The following KANK1 variants were observed in gnomAD, a reference collection of about 807,000 sequenced individuals.
KANK1 encodes the protein KN motif and ankyrin repeat domain-containing protein 1.
KANK1 carries 109 observed loss-of-function variants against 106.2 expected under a neutral mutation model. The ratio of observed to expected loss-of-function variants is 1.03; its 90% CI spans 0.88 to 1.20. KANK1 has a LOEUF of 1.20. Among genes scored for constraint, KANK1 ranks in the 50% most tolerant of loss-of-function variants. The probability of loss-of-function intolerance (pLI) is 0.00; values close to 1 mark genes in which losing one functional copy is unlikely to be tolerated. For synonymous variants in KANK1, 873 were observed against 652.2 expected (o/e 1.34, Z -5.16); for missense variants, 2,399 against 1,710.7 (o/e 1.40, Z -7.10).
intron 1 of KANK1, among the ~76,000 whole-genome samples, chr9:577,750 A>G (rs1228922860): frequency 6.6e-6 from 1 of 152,192 alleles, no homozygotes; most frequent in Non-Finnish European, 1.5e-5. Flanking sequence ...CCAGGAATTT[A>G]TGTTTCAACA....
intron 1 of KANK1, among the ~76,000 whole-genome samples, chr9:509,588 T>C (rs977190971): frequency 6.6e-6 from 1 of 152,256 alleles, no homozygotes; most frequent in Admixed American, 6.5e-5. Flanking sequence ...GGATATGCTT[T>C]CATTTAATAA....
chr9:510,084 A>G (rs895261386), intron 1 of KANK1, among the ~76,000 whole-genome samples: 1 of 151,686 alleles, frequency 6.6e-6, no homozygotes, highest in African/African-American at 2.4e-5. Context: ...AAGTGCTGGG[A>G]TTACAGGTGT....
intron 2 of KANK1, among the ~76,000 whole-genome samples, chr9:678,910 T>G (rs1051470180): frequency 6.6e-6 from 1 of 152,160 alleles, no homozygotes; most frequent in African/African-American, 2.4e-5. Context: ...GTGTTTAAGA[T>G]TGTTGGTGCC....
chr9:512,310 C>T (rs185895519), intron 1 of KANK1, among the ~76,000 whole-genome samples: 36 of 151,850 alleles, frequency 2.4e-4, no homozygotes, highest in African/African-American at 8.0e-4. Context: ...AGTTTGGAGG[C>T]GGGCTAGTCC....
chr9:676,204 G>C (rs919078787), intron 1 of KANK1, among the ~76,000 whole-genome samples: 1 of 152,090 alleles, frequency 6.6e-6, no homozygotes, highest in Non-Finnish European at 1.5e-5. Flanking sequence ...AACCTCCTGG[G>C]AATTTAGACT....
chr9:735,571 A>C (rs1434811948), intron 7 of KANK1: 1 of 165,182 alleles, frequency 6.1e-6, no homozygotes, highest in African/African-American at 2.4e-5. Context: ...GAGAAAATGT[A>C]GGATCCCCTA....
chr9:667,558 A>G (rs11506698), intron 1 of KANK1, among the ~76,000 whole-genome samples: 26,812 of 151,612 alleles, frequency 0.18, 3,273 homozygotes, highest in East Asian at 0.33. Context: ...GTAGATGTTT[A>G]TTGCTATAAA....
chr9:702,333 A>G (rs1046097634), intron 2 of KANK1, among the ~76,000 whole-genome samples: 3 of 152,194 alleles, frequency 2.0e-5, no homozygotes, highest in Non-Finnish European at 2.9e-5. Flanking sequence ...GCCAGCTGTC[A>G]TGTAGCTGTT....
At chr9:517,128 G>C (rs2133073450) in intron 1 of KANK1, among the ~76,000 whole-genome samples, 1 of 151,684 alleles carries the variant, frequency 6.6e-6, no homozygotes, top group South Asian at 2.1e-4. Context: ...TTTTTGTTTT[G>C]AGACGGAGTC....
intron 2 of KANK1, among the ~76,000 whole-genome samples, chr9:699,290 GCT>G (rs1232002000): frequency 6.6e-6 from 1 of 152,166 alleles, no homozygotes; most frequent in Non-Finnish European, 1.5e-5. Context: ...ACCCAGACAG[GCT>G]CTGTGTCTGT....
At chr9:740,194 A>T (rs562358119) in intron 8 of KANK1, among the ~76,000 whole-genome samples, 1 of 152,308 alleles carries the variant, frequency 6.6e-6, no homozygotes, top group South Asian at 2.1e-4. Context: ...AAGAATAGAA[A>T]AGGTCTGGTT....
At chr9:674,636 A>G (rs1237368935) in intron 1 of KANK1, among the ~76,000 whole-genome samples, 2 of 152,030 alleles carry the variant, frequency 1.3e-5, no homozygotes, top group African/African-American at 2.4e-5. Flanking sequence ...CCTTTTTTGA[A>G]TAGCATTTAA....
intron 2 of KANK1, among the ~76,000 whole-genome samples, chr9:680,322 C>G (rs1817287907): frequency 6.6e-6 from 1 of 152,124 alleles, no homozygotes. Context: ...GTTGACATCC[C>G]CATGTAACAT....
At chr9:540,538 G>A (rs2060541154) in intron 1 of KANK1, 1 of 152,176 alleles carries the variant, frequency 6.6e-6, no homozygotes, top group African/African-American at 2.4e-5. Flanking sequence ...AATGAGTTTG[G>A]AAGGGTTGAT....
chr9:684,507 T>G (rs1588893382), intron 2 of KANK1: 1 of 985,246 alleles, frequency 1.0e-6, no homozygotes, highest in Non-Finnish European at 1.2e-6. Flanking sequence ...AGTCAAAGGG[T>G]TAAAACAGCC....
At position 740,802 on chromosome 9, in the gene KANK1, T is replaced by A. The variant is rs375078316; in HGVS notation, c.3564T>A (p.Asn1188Lys). 1.9e-6 allele frequency: 3 copies of A among 1,611,990 alleles called. No individual in the cohort carries two copies. The highest frequency in any genetic ancestry group is 2.5e-6 in the Non-Finnish European group (3 of 1,179,590). The change falls in exon 9 of 12, where the codon AAT (asparagine) becomes AAA (lysine). Residue 1188 changes from asparagine (N) to lysine (K), a missense_variant. Asn to Lys is a moderately conservative substitution (Grantham distance 94, BLOSUM62 0). Coordinates refer to ENST00000382297, the MANE Select transcript of KANK1 (RefSeq NM_015158.5). ...VKLLLDADVC[N>K]VDHQNKAGYT... ...TTTTTTTTTTTACAGATGTGTGTAA[T>A]GTGGATCACCAGAACAAGGCAGGCT...
intron 2 of KANK1, among the ~76,000 whole-genome samples, chr9:691,478 C>G (rs1013524663): frequency 6.6e-6 from 1 of 151,074 alleles, no homozygotes; most frequent in Non-Finnish European, 1.5e-5. Context: ...TTAGGCTGGT[C>G]TCAAACTCCT....
chr9:714,618 A>C (rs954021988), intron 3 of KANK1, among the ~76,000 whole-genome samples: 2 of 152,074 alleles, frequency 1.3e-5, no homozygotes, highest in Non-Finnish European at 2.9e-5. Context: ...TCGGCCTCCC[A>C]AAGTGCTGGG....
At chr9:483,913 C>A (rs993029401) in intron 3 of KANK1, among the ~76,000 whole-genome samples, 1 of 152,070 alleles carries the variant, frequency 6.6e-6, no homozygotes, top group African/African-American at 2.4e-5. Flanking sequence ...GGAGACAGAG[C>A]GAGCAGGTAT....
Sources: gnomAD v4.1 joint callset for allele counts (sites outside exome capture counted in the v4.1 genomes callset) on GRCh38, gnomAD v4.1.1 for gene constraint, MANE v1.5 for transcripts, NCBI Gene and HGNC (gene_info 2026-07-23, HGNC 2026-07-21) for gene names.